KIF17: variants seen among roughly 807,000 people sequenced by gnomAD.
KIF17 encodes the protein kinesin-like protein KIF17.
Under a neutral mutation model 96.8 loss-of-function variants are expected in KIF17, and 80 were observed. The observed-to-expected ratio is 0.83, with a 90% CI of 0.69 to 1.00. The LOEUF is 1.00. Among genes scored for constraint, KIF17 ranks in the 50% least tolerant of loss-of-function variants. The probability of loss-of-function intolerance (pLI) is 0.00; values close to 1 mark genes in which losing one functional copy is unlikely to be tolerated. For synonymous variants in KIF17, 567 were observed against 587.5 expected, an observed-to-expected ratio of 0.97 and a Z score of 0.51; for missense variants, 1,280 against 1,372.9, an observed-to-expected ratio of 0.93 and a Z score of 1.07.
rs1184265190 is a variant in KIF17, at chr1:20,699,833, T to C, written c.1124-1345A>G. Among the ~76,000 whole-genome samples the C allele has an allele frequency of 6.6e-6, 1 of 152,024 alleles. No individual in the cohort carries two copies. Among genetic ancestry groups the C allele is most frequent in the Non-Finnish European group, 1.5e-5 (1 of 68,002 alleles). ...AGGTGGAGAAGTCCAAGAGGGATAATGCCAGATTGTGACAGCTGTGGAGGG... is the reference window on the plus strand; with the variant it reads ...AGGTGGAGAAGTCCAAGAGGGATAACGCCAGATTGTGACAGCTGTGGAGGG... On this transcript the variant is annotated intron_variant, in intron 5 of 14. Transcript: ENST00000400463. This position sits in a 1 kb window ranked among gnomAD's most constrained non-coding sequence, Gnocchi z 4.3.
At chr1:20,696,909 C>T (rs945092771) in intron 6 of KIF17, among the ~76,000 whole-genome samples, 4 of 152,200 alleles carry the variant, frequency 2.6e-5, no homozygotes, top group Non-Finnish European at 5.9e-5. Context: ...CAGGAAGGGA[C>T]CTGACACCCG....
At chr1:20,682,310 C>G (rs2053843241) in intron 11 of KIF17, among the ~76,000 whole-genome samples, 1 of 152,174 alleles carries the variant, frequency 6.6e-6, no homozygotes, top group African/African-American at 2.4e-5. Context: ...ACTGCAGGCA[C>G]TTAATAAGTG....
intron 11 of KIF17, among the ~76,000 whole-genome samples, chr1:20,673,609 C>T (rs2053686366): frequency 6.8e-6 from 1 of 148,052 alleles, no homozygotes; most frequent in Non-Finnish European, 1.5e-5. Context: ...CAGCTCACTA[C>T]AACTTCTGAC....
chr1:20,666,276 C>G lies in KIF17; in HGVS notation c.2846G>C (p.Ser949Thr), dbSNP rs144236031. ...LSRSNSENIA[S>T]NYFRSKRASQ... ...GGCCCGCTTAGATCGGAAGTAGTTG[C>G]TGGCAATGTTTTCACTGTTGCTCCG... The change falls in exon 14 of 15, where the codon AGC becomes ACC. Residue 949 changes from serine (S) to threonine (T), a missense_variant. By Grantham distance (58) the Ser-to-Thr change is moderately conservative (BLOSUM62 1). Coordinates refer to ENST00000400463, the MANE Select transcript of KIF17 (RefSeq NM_001122819.3). 38 of 1,614,210 alleles carry G rather than the reference C, an allele frequency of 2.4e-5. No individual in the cohort carries two copies. In the African/African-American group the frequency reaches 4.4e-4, roughly 19 times the overall value.
chr1:20,696,694 C>A (rs2154536697), intron 6 of KIF17, among the ~76,000 whole-genome samples: 1 of 152,296 alleles, frequency 6.6e-6, no homozygotes, highest in South Asian at 2.1e-4. Flanking sequence ...CCTGCACAGC[C>A]CGCCCCACCC....
rs2054410165 is a variant in KIF17, at chr1:20,709,992, G to C, written c.481-164C>G. 6.6e-6 allele frequency among the ~76,000 whole-genome samples: 1 copy of C among 152,118 alleles called. No individual in the cohort carries two copies. The highest frequency in any genetic ancestry group is 2.4e-5 in the African/African-American group (1 of 41,418). On this transcript the variant is annotated intron_variant, in intron 3 of 14. Transcript: ENST00000400463. This position sits in a 1 kb window ranked among gnomAD's most constrained non-coding sequence, Gnocchi z 4.7. ...TGTCACAGGGAGGGGTGTGTTCCAG[G>C]CCCAGCCAGCCTCAGACCTACCCCT... is the stretch of plus-strand genomic sequence containing the variant.
At position 20,717,852 on chromosome 1, in the gene KIF17, C is replaced by A. The variant is rs1370399415; in HGVS notation, c.-146G>T. ...GCGGGGCCGCGGCGGGGGGCGGGGACCCCTCGGGGGGCGCCCCGGAGGGGA... is the reference window on the plus strand; with the variant it reads ...GCGGGGCCGCGGCGGGGGGCGGGGAACCCTCGGGGGGCGCCCCGGAGGGGA... On this transcript the variant is annotated 5_prime_UTR_variant, in exon 1 of 15. Coordinates refer to ENST00000400463, the MANE Select transcript of KIF17 (RefSeq NM_001122819.3). 9 of 592,800 alleles carry A rather than the reference C, an allele frequency of 1.5e-5. No homozygotes were observed. Among genetic ancestry groups the A allele is most frequent in the Middle Eastern group, 6.1e-4 (1 of 1,628 alleles). 36.7% of individuals were successfully genotyped at this position (592,800 alleles called of 1,614,324 possible).
intron 8 of KIF17, among the ~76,000 whole-genome samples, chr1:20,686,871 T>C (rs546047343): frequency 9.9e-5 from 15 of 151,628 alleles, no homozygotes; most frequent in African/African-American, 3.7e-4. Flanking sequence ...AAGAGGAACA[T>C]TGTTTTAAAA....
In KIF17 at chr1:20,699,471, CAGG is replaced by C. The variant is rs1295829709; in HGVS notation, c.1124-986_1124-984del. Among the ~76,000 whole-genome samples, 1 of 152,210 alleles carries C rather than the reference CAGG, an allele frequency of 6.6e-6. No individual in the cohort carries two copies. Among genetic ancestry groups the C allele is most frequent in the Non-Finnish European group, 1.5e-5 (1 of 68,042 alleles). On this transcript the variant is annotated intron_variant, in intron 5 of 14. Transcript: ENST00000400463. This position sits in a 1 kb window ranked among gnomAD's most constrained non-coding sequence, Gnocchi z 4.3. ...ATCCCAGCTACTCAGGAGGCTGAGG[CAGG>C]AGGATTGCTTGAACCAGATGGGCGG... is the stretch of plus-strand genomic sequence containing the variant.
chr1:20,690,352 G>GCCCCCCCA lies in KIF17; in HGVS notation c.1234-18_1234-17insTGGGGGGG. The GCCCCCCCA allele has an allele frequency of 2.2e-6, 1 of 451,172 alleles. No individual in the cohort carries two copies. The highest frequency in any genetic ancestry group is 4.3e-6 in the Non-Finnish European group (1 of 235,152). The allele number at this position is 451,172 out of a possible 1,614,324, so 27.9% of individuals were successfully genotyped here. ...TTCATACTCCTGGGGGGGTGGGAGGGACCAGAGGGCAGGCAGCATTTTATC... is the reference window on the plus strand; with the variant it reads ...TTCATACTCCTGGGGGGGTGGGAGGGCCCCCCCAACCAGAGGGCAGGCAGCATTTTATC... On this transcript the variant is annotated splice_polypyrimidine_tract_variant and intron_variant, in intron 6 of 14. Coordinates refer to ENST00000400463, the MANE Select transcript of KIF17 (RefSeq NM_001122819.3).
Position 20,715,516 on chromosome 1 carries a change from C to G in KIF17, c.355G>C (p.Glu119Gln), listed in dbSNP as rs376781948. The G allele has an allele frequency of 3.3e-5, 53 of 1,613,256 alleles. No individual in the cohort carries two copies. The highest frequency in any genetic ancestry group is 4.2e-5 in the Non-Finnish European group (50 of 1,180,036). The change falls in exon 2 of 15, where the codon GAG becomes CAG. Residue 119 changes from glutamate (E) to glutamine (Q), a missense_variant. Glu to Gln is a conservative substitution (Grantham distance 29). Coordinates refer to ENST00000400463, the MANE Select transcript of KIF17 (RefSeq NM_001122819.3). ...SQRGIIPRAF[E>Q]HVFESVQCAE... ...ACCTGGACGCTCTCGAACACGTGCT[C>G]GAAGGCCCTGGGGATGATGCCTCTC...
intron 11 of KIF17, among the ~76,000 whole-genome samples, chr1:20,680,068 T>A (rs2053804385): frequency 6.6e-6 from 1 of 152,140 alleles, no homozygotes; most frequent in Non-Finnish European, 1.5e-5. Flanking sequence ...CACTGCAACC[T>A]CCACCTCCCA....
intron 3 of KIF17, among the ~76,000 whole-genome samples, chr1:20,711,188 C>A (rs1570481446): frequency 1.3e-5 from 2 of 152,136 alleles, no homozygotes; most frequent in South Asian, 4.1e-4. Flanking sequence ...ATCTAAAAAA[C>A]GGTTCTGCGG....
chr1:20,716,423 G>A (rs2054579357), intron 1 of KIF17, among the ~76,000 whole-genome samples: 2 of 152,176 alleles, frequency 1.3e-5, no homozygotes, highest in East Asian at 1.9e-4. Flanking sequence ...TTCTCGTGGC[G>A]GGCTATGGGG....
At chr1:20,697,431 C>A (rs998027211) in intron 6 of KIF17, among the ~76,000 whole-genome samples, 1 of 139,744 alleles carries the variant, frequency 7.2e-6, no homozygotes, top group African/African-American at 2.8e-5. Context: ...AACATAGAGA[C>A]CCTATCTCTA....
Position 20,687,032 on chromosome 1 carries a change from G to A in KIF17, c.1938+356C>T, listed in dbSNP as rs979974882. 6.6e-5 allele frequency among the ~76,000 whole-genome samples: 10 copies of A among 152,206 alleles called. No homozygotes were observed. Among genetic ancestry groups the A allele is most frequent in the South Asian group, 2.1e-4 (1 of 4,828 alleles). The stretch of plus-strand genomic sequence containing the variant: ...CTACAGAGCTCACGAGCCAGTGAGC[G>A]TCGCCCAGGGCTCCGTCAGGCCTGG... On this transcript the variant is annotated intron_variant, in intron 8 of 14. Coordinates refer to ENST00000400463, the MANE Select transcript of KIF17 (RefSeq NM_001122819.3). The surrounding 1 kb of genome is among the most constrained non-coding windows in gnomAD (Gnocchi z 4.4).
Position 20,698,453 on chromosome 1 carries a change from G to T in KIF17, c.1159C>A (p.Gln387Lys), listed in dbSNP as rs2054180843. Residue 387 changes from glutamine to lysine, a missense_variant, in exon 6 of 15, where the codon CAG becomes AAG. Transcript: ENST00000400463. Reference sequence around the variant, plus strand: ...TGGGGCAACAGCTTCTCCTCCACCTGCACAGGGTCTGGGGGCACCTGCCTG... The same window carrying T: ...TGGGGCAACAGCTTCTCCTCCACCTTCACAGGGTCTGGGGGCACCTGCCTG... ...LSRQVPPDPV[Q>K]VEEKLLPQPV... 1.9e-6 allele frequency: 3 copies of T among 1,613,436 alleles called. No individual in the cohort carries two copies. Among genetic ancestry groups the T allele is most frequent in the Admixed American group, 1.7e-5 (1 of 60,004 alleles).
At position 20,713,330 on chromosome 1, in the gene KIF17, A is replaced by T. The variant is rs1557607630; in HGVS notation, c.480+124T>A. The T allele has an allele frequency of 6.2e-6, 4 of 644,932 alleles. No individual in the cohort carries two copies. In the Admixed American group the frequency reaches 1.2e-4, roughly 19 times the overall value. The allele number at this position is 644,932 out of a possible 1,614,324, so 40.0% of individuals were successfully genotyped here. ...TTTTTTAATTAAAAAAAAAAAAAAA[A>T]GTCCCGACTCTAGCCTCCCAGTGCC... On this transcript the variant is annotated intron_variant, in intron 3 of 14. Coordinates refer to ENST00000400463, the MANE Select transcript of KIF17 (RefSeq NM_001122819.3).
intron 11 of KIF17, among the ~76,000 whole-genome samples, chr1:20,680,649 G>T (rs1165374270): frequency 6.6e-6 from 1 of 152,020 alleles, no homozygotes; most frequent in African/African-American, 2.4e-5. Flanking sequence ...TCACAGGTAT[G>T]AACATTTCTA....
Sources: allele counts gnomAD v4.1 joint callset (sites outside exome capture counted in the v4.1 genomes callset), GRCh38; gene constraint gnomAD v4.1.1; non-coding constraint Gnocchi (gnomAD v3.1); transcripts MANE v1.5; gene names NCBI Gene and HGNC (gene_info 2026-07-23, HGNC 2026-07-21).